DEUP1: variants seen among roughly 807,000 people sequenced by gnomAD.
DEUP1 encodes deuterosome assembly protein 1, also known as coiled-coil domain containing 67.
Under a neutral mutation model 87.4 loss-of-function variants are expected in DEUP1, and 82 were observed. The ratio of observed to expected loss-of-function variants is 0.94; its 90% CI spans 0.78 to 1.13. The LOEUF (loss-of-function observed/expected upper bound fraction) is 1.13. DEUP1 is among the 50% of genes most tolerant of loss of function. The pLI is 0.00. For missense variants in DEUP1, 663 were observed against 681.5 expected, an observed-to-expected ratio of 0.97 and a Z score of 0.30; for synonymous variants, 214 against 222.7, an observed-to-expected ratio of 0.96 and a Z score of 0.35.
intron 11 of DEUP1, among the ~76,000 whole-genome samples, chr11:93,398,721 A>ATTT (rs34737091): frequency 2.2e-5 from 3 of 138,044 alleles, no homozygotes; most frequent in Non-Finnish European, 3.1e-5. Flanking sequence ...TTCATGTCAA[A>ATTT]TTTTTTTTTT....
chr11:93,387,933 G>T (rs1946637507), intron 8 of DEUP1, among the ~76,000 whole-genome samples: 1 of 151,942 alleles, frequency 6.6e-6, no homozygotes, highest in South Asian at 2.1e-4. Flanking sequence ...TATGCATAGG[G>T]AAAAATATAT....
At chr11:93,384,289 GTTAC>G (rs1415795987) in intron 7 of DEUP1, among the ~76,000 whole-genome samples, 1 of 152,158 alleles carries the variant, frequency 6.6e-6, no homozygotes, top group Non-Finnish European at 1.5e-5. Flanking sequence ...AGAACATGAT[GTTAC>G]TTTTTACTTC....
chr11:93,382,142 A>G (rs1424439607), intron 7 of DEUP1, among the ~76,000 whole-genome samples: 1 of 152,216 alleles, frequency 6.6e-6, no homozygotes, highest in Non-Finnish European at 1.5e-5. Context: ...TTGCACCCAC[A>G]TTCACAAATA....
At chr11:93,341,590 A>C (rs1476799619) in intron 2 of DEUP1, among the ~76,000 whole-genome samples, 1 of 152,120 alleles carries the variant, frequency 6.6e-6, no homozygotes, top group Admixed American at 6.6e-5. Flanking sequence ...GGGTCTATTG[A>C]GTTTCAAACA....
intron 2 of DEUP1, among the ~76,000 whole-genome samples, chr11:93,354,542 T>C (rs1009857898): frequency 6.6e-6 from 1 of 152,164 alleles, no homozygotes; most frequent in African/African-American, 2.4e-5. Flanking sequence ...AATAAGGACA[T>C]ACCCGAGATT....
intron 4 of DEUP1, among the ~76,000 whole-genome samples, chr11:93,360,339 A>C (rs561637304): frequency 6.6e-6 from 1 of 152,300 alleles, no homozygotes; most frequent in Admixed American, 6.5e-5. Context: ...CTGCTAAAAC[A>C]CAATATTTGA....
intron 2 of DEUP1, among the ~76,000 whole-genome samples, chr11:93,347,982 C>T (rs1944442127): frequency 6.6e-6 from 1 of 152,142 alleles, no homozygotes; most frequent in East Asian, 1.9e-4. Context: ...CCTTGTGACC[C>T]GCCCACCTCA....
intron 11 of DEUP1, among the ~76,000 whole-genome samples, chr11:93,400,691 TATGATA>T (rs1947089097): frequency 6.6e-6 from 1 of 152,178 alleles, no homozygotes; most frequent in Non-Finnish European, 1.5e-5. Flanking sequence ...TTGGATTCTA[TATGATA>T]ATATTTTATT....
intron 5 of DEUP1, among the ~76,000 whole-genome samples, chr11:93,369,738 T>C (rs1945617099): frequency 2.1e-5 from 1 of 48,572 alleles, no homozygotes; most frequent in African/African-American, 8.1e-5. Context: ...GAGACCATCC[T>C]GGCTAACACG....
Position 93,419,378 on chromosome 11 carries a change from T to A in DEUP1, c.1638+4264T>A, listed in dbSNP as rs561521379. ...ATAGCCTGTACTTTGTATGATAGCATCAAGGTTGCTTTGTTCTTATGCTAG... is the reference window on the plus strand; with the variant it reads ...ATAGCCTGTACTTTGTATGATAGCAACAAGGTTGCTTTGTTCTTATGCTAG... On this transcript the variant is annotated intron_variant, in intron 13 of 13. Transcript: ENST00000298050. Among the ~76,000 whole-genome samples the A allele has an allele frequency of 2.0e-5, 3 of 152,308 alleles. No individual in the cohort carries two copies. In the East Asian group the frequency reaches 5.8e-4, roughly 29 times the overall value.
At chr11:93,375,044 T>G (rs1164426986) in intron 7 of DEUP1, among the ~76,000 whole-genome samples, 1 of 151,264 alleles carries the variant, frequency 6.6e-6, no homozygotes, top group Non-Finnish European at 1.5e-5. Context: ...CTTTTTTTTT[T>G]TTTTGCACTA....
intron 11 of DEUP1, among the ~76,000 whole-genome samples, chr11:93,399,069 T>A (rs1282405223): frequency 1.3e-5 from 2 of 152,140 alleles, no homozygotes; most frequent in Non-Finnish European, 2.9e-5. Flanking sequence ...TGTTTGTAAC[T>A]TTGTTTATGA....
At chr11:93,351,524 T>C (rs1478873405) in intron 2 of DEUP1, among the ~76,000 whole-genome samples, 1 of 152,222 alleles carries the variant, frequency 6.6e-6, no homozygotes, top group East Asian at 1.9e-4. Context: ...AAAATCTATT[T>C]ACAGTACAAG....
intron 2 of DEUP1, among the ~76,000 whole-genome samples, 192 bp from the exon 3 acceptor site, chr11:93,355,179 A>C (rs1944836407): frequency 6.6e-6 from 1 of 152,238 alleles, no homozygotes; most frequent in South Asian, 2.1e-4. Context: ...AATTAAGTAT[A>C]TATACACTGT....
chr11:93,408,487 T>G, intron 12 of DEUP1, 60 bp downstream of exon 12: 4 of 1,113,776 alleles, frequency 3.6e-6, no homozygotes. Flanking sequence ...AAATTTATTT[T>G]TAAAGAATTC....
chr11:93,398,951 G>A (rs1337531764), intron 11 of DEUP1, among the ~76,000 whole-genome samples: 1 of 152,020 alleles, frequency 6.6e-6, no homozygotes. Context: ...TTGAACTCCT[G>A]ACCTCAAGTG....
chr11:93,347,983 G>A (rs986229490), intron 2 of DEUP1, among the ~76,000 whole-genome samples: 29 of 152,044 alleles, frequency 1.9e-4, no homozygotes, highest in African/African-American at 6.0e-4. Context: ...CTTGTGACCC[G>A]CCCACCTCAG....
At chr11:93,372,458 T>G (rs1945788181) in intron 7 of DEUP1, among the ~76,000 whole-genome samples, 1 of 152,154 alleles carries the variant, frequency 6.6e-6, no homozygotes, top group African/African-American at 2.4e-5. Context: ...CCCCAAGATC[T>G]TTTGCCACTT....
chr11:93,376,535 T>C (rs1387494485), intron 7 of DEUP1, among the ~76,000 whole-genome samples: 1 of 152,336 alleles, frequency 6.6e-6, no homozygotes, highest in African/African-American at 2.4e-5. Context: ...ATCTTGCTAA[T>C]GGTCTATTGA....
Sources: allele counts gnomAD v4.1 joint callset (sites outside exome capture counted in the v4.1 genomes callset), GRCh38; gene constraint gnomAD v4.1.1; transcripts MANE v1.5; gene names NCBI Gene and HGNC (gene_info 2026-07-23, HGNC 2026-07-21).